CALCR: variants seen among roughly 807,000 people sequenced by gnomAD.
CALCR encodes the protein calcitonin receptor.
In CALCR, 47 loss-of-function variants were observed where a neutral mutation model predicts 59.5. That is an observed-to-expected ratio of 0.79 (90% CI 0.63 to 1.01). CALCR has a LOEUF of 1.01. Ranked by LOEUF, CALCR falls within the 50% of genes least tolerant of loss-of-function variation. The probability of loss-of-function intolerance (pLI) is 0.00; values close to 1 mark genes in which losing one functional copy is unlikely to be tolerated. For missense variants in CALCR, 566 were observed against 597.1 expected, an observed-to-expected ratio of 0.95 and a Z score of 0.54; for synonymous variants, 213 against 211.3, an observed-to-expected ratio of 1.01 and a Z score of -0.07.
intron 2 of CALCR, among the ~76,000 whole-genome samples, chr7:93,494,096 C>G (rs1801144532): frequency 6.6e-6 from 1 of 151,362 alleles, no homozygotes; most frequent in Non-Finnish European, 1.5e-5. Flanking sequence ...GAATTAAAAG[C>G]CAAATCTCCT....
chr7:93,428,200 A>C (rs1375579514), intron 13 of CALCR, among the ~76,000 whole-genome samples: 1 of 152,222 alleles, frequency 6.6e-6, no homozygotes. Context: ...TTGAGTGTTT[A>C]CTAAGTACCG....
chr7:93,531,986 A>C (rs544170314), intron 2 of CALCR, among the ~76,000 whole-genome samples: 2 of 147,322 alleles, frequency 1.4e-5, no homozygotes, highest in South Asian at 4.3e-4. Flanking sequence ...CTCAAAGTTA[A>C]AATGTAATTC....
chr7:93,457,394 A>C (rs1425159698), intron 8 of CALCR, among the ~76,000 whole-genome samples: 1 of 152,152 alleles, frequency 6.6e-6, no homozygotes. Context: ...TCAGAAAAAA[A>C]CCTGAATTTT....
chr7:93,457,962 T>G (rs1174334478), intron 8 of CALCR, among the ~76,000 whole-genome samples: 2 of 152,114 alleles, frequency 1.3e-5, no homozygotes, highest in Non-Finnish European at 2.9e-5. Flanking sequence ...CGGAGGACAC[T>G]TACTCTCACC....
At chr7:93,512,323 C>G (rs1801563388) in intron 2 of CALCR, among the ~76,000 whole-genome samples, 1 of 152,022 alleles carries the variant, frequency 6.6e-6, no homozygotes, top group Admixed American at 6.6e-5. Flanking sequence ...CAAGTGCATC[C>G]CAGAGAGATT....
At chr7:93,540,367 T>G (rs1276137632) in intron 2 of CALCR, among the ~76,000 whole-genome samples, 1 of 152,192 alleles carries the variant, frequency 6.6e-6, no homozygotes, top group Non-Finnish European at 1.5e-5. Flanking sequence ...AACTATTTTG[T>G]GCTGATGCTC....
intron 6 of CALCR, among the ~76,000 whole-genome samples, chr7:93,472,000 T>C (rs965320584): frequency 1.3e-5 from 2 of 151,792 alleles, no homozygotes; most frequent in African/African-American, 4.8e-5. Context: ...TTGTGACTTG[T>C]GGAAAAATCT....
chr7:93,457,082 C>T (rs543565245), intron 8 of CALCR, among the ~76,000 whole-genome samples: 2 of 152,214 alleles, frequency 1.3e-5, no homozygotes, highest in South Asian at 4.1e-4. Context: ...GGCATGTCTA[C>T]CCCTAAAAAG....
intron 2 of CALCR, among the ~76,000 whole-genome samples, chr7:93,507,048 C>T (rs1182836389): frequency 6.6e-6 from 1 of 152,108 alleles, no homozygotes; most frequent in Non-Finnish European, 1.5e-5. Context: ...AACTGTGAGT[C>T]CATTAAGCAT....
chr7:93,439,362 T>C (rs141172650), intron 9 of CALCR, among the ~76,000 whole-genome samples: 10 of 152,274 alleles, frequency 6.6e-5, no homozygotes, highest in Admixed American at 2.6e-4. Flanking sequence ...TAACATACCA[T>C]TTTCCCACTT....
At chr7:93,573,493 T>G (rs1458794363) in intron 2 of CALCR, among the ~76,000 whole-genome samples, 2 of 152,204 alleles carry the variant, frequency 1.3e-5, no homozygotes, top group Non-Finnish European at 2.9e-5. Flanking sequence ...AACCCTGCGT[T>G]CTCTTCTTGC....
At chr7:93,568,913 T>C (rs972259751) in intron 2 of CALCR, among the ~76,000 whole-genome samples, 4 of 152,114 alleles carry the variant, frequency 2.6e-5, no homozygotes, top group African/African-American at 9.7e-5. Context: ...CTATTTATCT[T>C]GCCTGTCCAA....
intron 2 of CALCR, among the ~76,000 whole-genome samples, chr7:93,543,334 C>T (rs961191815): frequency 2.6e-5 from 4 of 151,958 alleles, no homozygotes; most frequent in South Asian, 2.1e-4. Flanking sequence ...TAGTAGAGAC[C>T]GGGTTTCACC....
In CALCR at chr7:93,448,593, T is replaced by C. The variant is rs571195348; in HGVS notation, c.649-4836A>G. 1.4e-4 allele frequency among the ~76,000 whole-genome samples: 22 copies of C among 152,120 alleles called. No homozygotes were observed. In the South Asian group the frequency reaches 4.3e-3, roughly 30 times the overall value. The stretch of plus-strand genomic sequence containing the variant: ...ATACATAAACAAATAAGTGCCACTA[T>C]GTACAATGATTTCTAAAAAAAGTAA... On this transcript the variant is annotated intron_variant, in intron 8 of 13. Transcript: ENST00000426151.
chr7:93,468,780 A>G lies in CALCR; in HGVS notation c.456T>C (p.Ala152=), dbSNP rs1800491486. The G allele has an allele frequency of 6.2e-7, 1 of 1,610,380 alleles. No individual in the cohort carries two copies. The highest frequency in any genetic ancestry group is 2.2e-5 in the East Asian group (1 of 44,730). The change falls in exon 7 of 14, where the codon GCT becomes GCC. Residue 152 remains alanine, a synonymous_variant. Transcript: ENST00000426151. ...AAATTGACAAAGAATGACCCACAAT[A>G]GCCAAATAGTACAGAACATATGCAT... ...LKNAYVLYYL[A]IVGHSLSIFT...
chr7:93,450,161 CAA>C (rs1800081376), intron 8 of CALCR, among the ~76,000 whole-genome samples: 1 of 152,018 alleles, frequency 6.6e-6, no homozygotes, highest in Admixed American at 6.6e-5. Flanking sequence ...GTTCATTACT[CAA>C]GTGTTAAACA....
intron 2 of CALCR, among the ~76,000 whole-genome samples, chr7:93,531,005 C>T (rs181638023): frequency 1.3e-5 from 2 of 152,058 alleles, no homozygotes; most frequent in Admixed American, 1.3e-4. Flanking sequence ...AGATGATTCC[C>T]ATGTAAACAA....
chr7:93,561,331 T>A, intron 2 of CALCR, among the ~76,000 whole-genome samples: 1 of 152,150 alleles, frequency 6.6e-6, no homozygotes, highest in East Asian at 1.9e-4. Flanking sequence ...GAAAATTCTT[T>A]AAAAACCATA....
At chr7:93,545,268 A>G (rs1478438111) in intron 2 of CALCR, among the ~76,000 whole-genome samples, 1 of 152,102 alleles carries the variant, frequency 6.6e-6, no homozygotes, top group African/African-American at 2.4e-5. Flanking sequence ...TTCATGTTAC[A>G]TAGATTAAAA....
Sources: gnomAD v4.1 joint callset for allele counts (sites outside exome capture counted in the v4.1 genomes callset) on GRCh38, gnomAD v4.1.1 for gene constraint, MANE v1.5 for transcripts, NCBI Gene and HGNC (gene_info 2026-07-23, HGNC 2026-07-21) for gene names.